The following ANGPT2 variants were observed in gnomAD, a reference collection of about 807,000 sequenced individuals.
ANGPT2 encodes the protein angiopoietin 2.
A neutral mutation model predicts 62.9 loss-of-function variants in ANGPT2; 28 were observed. The ratio of observed to expected loss-of-function variants is 0.44; its 90% CI spans 0.33 to 0.61. ANGPT2 has a LOEUF of 0.61. ANGPT2 is among the 20% of genes least tolerant of loss of function. ANGPT2 has a pLI of 0.03. For missense variants in ANGPT2, 727 were observed against 594.9 expected (o/e 1.22, Z -2.31); for synonymous variants, 284 against 207.8 (o/e 1.37, Z -3.15).
Position 6,562,552 on chromosome 8 carries a change from C to CTTT in ANGPT2, c.288+92_288+94dup, listed in dbSNP as rs55804146. 306 of 73,782 alleles carry CTTT rather than the reference C, an allele frequency of 4.1e-3. 14 individuals are homozygous for CTTT. The highest frequency in any genetic ancestry group is 9.5e-3 in the South Asian group (19 of 2,002). The allele number at this position is 73,782 out of a possible 1,614,324, so 4.6% of individuals were successfully genotyped here. On this transcript the variant is annotated intron_variant, in intron 1 of 8. Coordinates refer to ENST00000629816, the MANE Select transcript of ANGPT2 (RefSeq NM_001118887.2). ...AGCTCTAATCCTCTTCATCCTCCTT[C>CTTT]TTTTTTTTTTTTTTTTTTTGGTTGT...
chr8:6,532,133 G>T (rs1003171342), intron 2 of ANGPT2, among the ~76,000 whole-genome samples, 199 bp downstream of exon 2: 2 of 152,124 alleles, frequency 1.3e-5, no homozygotes, highest in Admixed American at 6.5e-5. Flanking sequence ...TTTAACCTCA[G>T]TATTAAAAAC....
chr8:6,510,042 C>A (rs1405534353), intron 7 of ANGPT2, among the ~76,000 whole-genome samples: 1 of 152,160 alleles, frequency 6.6e-6, no homozygotes, highest in Non-Finnish European at 1.5e-5. Context: ...GTCGAAAAAT[C>A]TTAAGTTGAA....
In ANGPT2 at chr8:6,503,024, G is replaced by A. The variant is rs1319816985; in HGVS notation, c.*77C>T. 27 of 1,548,416 alleles carry A rather than the reference G, an allele frequency of 1.7e-5. No individual in the cohort carries two copies. The highest frequency in any genetic ancestry group is 5.1e-5 in the Admixed American group (3 of 58,498). On this transcript the variant is annotated 3_prime_UTR_variant, in exon 9 of 9. Coordinates refer to ENST00000629816, the MANE Select transcript of ANGPT2 (RefSeq NM_001118887.2). ...TCTGTGGTGGAAGAGGACACAGTGC[G>A]CAGCCGTGACTTTCAGTGCACTGGG...
At chr8:6,522,428 A>G (rs1270874720) in intron 3 of ANGPT2, among the ~76,000 whole-genome samples, 1 of 152,116 alleles carries the variant, frequency 6.6e-6, no homozygotes, top group Non-Finnish European at 1.5e-5. Context: ...AATGTTTGTT[A>G]ACGTTAATAT....
At chr8:6,557,843 T>C (rs1460309589) in intron 1 of ANGPT2, among the ~76,000 whole-genome samples, 3 of 152,122 alleles carry the variant, frequency 2.0e-5, no homozygotes, top group Non-Finnish European at 4.4e-5. Context: ...ATTGTATGCA[T>C]CCTCTAGATC....
At chr8:6,510,294 G>A (rs1010320795) in intron 7 of ANGPT2, among the ~76,000 whole-genome samples, 12 of 152,046 alleles carry the variant, frequency 7.9e-5, no homozygotes, top group African/African-American at 2.2e-4. Context: ...GGGTCCTCAC[G>A]TCCTGATGGA....
At chr8:6,560,954 G>C (rs1358967089) in intron 1 of ANGPT2, among the ~76,000 whole-genome samples, 1 of 152,230 alleles carries the variant, frequency 6.6e-6, no homozygotes, top group Non-Finnish European at 1.5e-5. Flanking sequence ...CTGTCGGGCA[G>C]ATTAGAATAT....
intron 3 of ANGPT2, among the ~76,000 whole-genome samples, chr8:6,526,124 T>C (rs1818278177): frequency 6.6e-6 from 1 of 151,960 alleles, no homozygotes; most frequent in African/African-American, 2.4e-5. Context: ...AGTAAGACTA[T>C]TTTAAGAAAA....
chr8:6,531,129 G>T (rs150661555), intron 2 of ANGPT2, among the ~76,000 whole-genome samples: 25 of 152,076 alleles, frequency 1.6e-4, no homozygotes, highest in African/African-American at 5.3e-4. Flanking sequence ...CTTGAGCTTG[G>T]AGCGTCTGCA....
chr8:6,509,864 G>T (rs1258084694), intron 7 of ANGPT2, among the ~76,000 whole-genome samples: 1 of 152,198 alleles, frequency 6.6e-6, no homozygotes, highest in African/African-American at 2.4e-5. Context: ...CGCAGTGTCT[G>T]TTGTTCACCC....
At chr8:6,535,697 G>A (rs1288367623) in intron 1 of ANGPT2, among the ~76,000 whole-genome samples, 1 of 152,108 alleles carries the variant, frequency 6.6e-6, no homozygotes, top group Non-Finnish European at 1.5e-5. Flanking sequence ...GAAGTCTTTG[G>A]GAGAAGAATG....
chr8:6,517,884 G>A (rs527298782), intron 5 of ANGPT2, among the ~76,000 whole-genome samples: 1 of 152,172 alleles, frequency 6.6e-6, no homozygotes, highest in African/African-American at 2.4e-5. Context: ...AGTAACAATT[G>A]ACACCACTTA....
chr8:6,543,829 C>T (rs1045773330), intron 1 of ANGPT2, among the ~76,000 whole-genome samples: 3 of 152,254 alleles, frequency 2.0e-5, no homozygotes, highest in Non-Finnish European at 4.4e-5. Context: ...ATAATTTAAA[C>T]CCCCTGTGTG....
rs146324763 is a variant in ANGPT2 at position 6,544,597 on chromosome 8, A to C, written c.289-12110T>G. On this transcript the variant is annotated intron_variant, in intron 1 of 8. Transcript: ENST00000629816. ...TGTCATTCATGTATTGGAGGGGGAG[A>C]GGGTTGAGTAAGAACCGACATGCAC... Among the ~76,000 whole-genome samples, 469 of 152,166 alleles carry C rather than the reference A, an allele frequency of 3.1e-3. 3 individuals are homozygous for C. Among genetic ancestry groups the C allele is most frequent in the African/African-American group, 0.011 (452 of 41,512 alleles).
intron 5 of ANGPT2, among the ~76,000 whole-genome samples, chr8:6,517,995 A>T (rs1182268370): frequency 6.6e-6 from 1 of 152,204 alleles, no homozygotes; most frequent in Non-Finnish European, 1.5e-5. Context: ...TATAAATCCT[A>T]ATGTTTCCAA....
At chr8:6,504,613 C>T (rs914620337) in intron 8 of ANGPT2, among the ~76,000 whole-genome samples, 2 of 152,098 alleles carry the variant, frequency 1.3e-5, no homozygotes, top group African/African-American at 4.8e-5. Context: ...CAAAGAGAAG[C>T]TGTAAAGTGC....
Position 6,509,173 on chromosome 8 carries a change from T to G in ANGPT2, c.1197-111A>C, listed in dbSNP as rs1008243012. ...TCTACAGAAGCGTGTTCTGTACTCG[T>G]TAATGGACTAATGCATACTCTGGAC... On this transcript the variant is annotated intron_variant, in intron 7 of 8. Transcript: ENST00000629816. 59 of 1,369,304 alleles carry G rather than the reference T, an allele frequency of 4.3e-5. No individual in the cohort carries two copies. In the African/African-American group the frequency reaches 7.8e-4, roughly 18 times the overall value. The allele number at this position is 1,369,304 out of a possible 1,614,324, so 84.8% of individuals were successfully genotyped here.
chr8:6,531,872 C>G (rs139470523), intron 2 of ANGPT2, among the ~76,000 whole-genome samples: 243 of 152,354 alleles, frequency 1.6e-3, no homozygotes, highest in Non-Finnish European at 2.9e-3. Context: ...ACTCATTCCA[C>G]AGGCTGTGTT....
In ANGPT2 at chr8:6,527,739, C is replaced by A. The variant is rs909700963; in HGVS notation, c.445-63G>T. The A allele has an allele frequency of 2.8e-6, 4 of 1,444,920 alleles. No homozygotes were observed. The African/African-American group carries it at 5.8e-5, about 21-fold the overall frequency. 89.5% of individuals were successfully genotyped at this position (1,444,920 alleles called of 1,614,324 possible). On this transcript the variant is annotated intron_variant, in intron 2 of 8. Coordinates refer to ENST00000629816, the MANE Select transcript of ANGPT2 (RefSeq NM_001118887.2). Reference sequence around the variant, plus strand: ...TTAATTAGTTTAACTTTCTAACTTCCTTTTCATTAAAGTACCCAAGCTACA... The same window carrying A: ...TTAATTAGTTTAACTTTCTAACTTCATTTTCATTAAAGTACCCAAGCTACA...
Sources: gnomAD v4.1 joint callset for allele counts (sites outside exome capture counted in the v4.1 genomes callset) on GRCh38, gnomAD v4.1.1 for gene constraint, MANE v1.5 for transcripts, NCBI Gene and HGNC (gene_info 2026-07-23, HGNC 2026-07-21) for gene names.